Variants in RORA observed in about 807,000 individuals in gnomAD.
RORA encodes nuclear receptor ROR-alpha.
Under a neutral mutation model 69.5 loss-of-function variants are expected in RORA, and 7 were observed. The ratio of observed to expected loss-of-function variants is 0.10; its 90% CI spans 0.06 to 0.19. The LOEUF is 0.19. Among genes scored for constraint, RORA ranks in the 10% least tolerant of loss-of-function variants. RORA has a pLI of 1.00. For synonymous variants in RORA, 261 were observed against 240.8 expected, an observed-to-expected ratio of 1.08 and a Z score of -0.78; for missense variants, 457 against 663.0, an observed-to-expected ratio of 0.69 and a Z score of 3.41.
chr15:60,802,251 G>C (rs953874525), intron 1 of RORA, among the ~76,000 whole-genome samples: 1 of 152,192 alleles, frequency 6.6e-6, no homozygotes, highest in African/African-American at 2.4e-5. Context: ...TTCCTCATCT[G>C]CGTATGTGAA....
intron 2 of RORA, among the ~76,000 whole-genome samples, chr15:60,561,275 G>A (rs1395741618): frequency 6.6e-6 from 1 of 151,568 alleles, no homozygotes; most frequent in Admixed American, 6.6e-5. Context: ...TAGAGACGGG[G>A]TTTCACCGTG....
chr15:60,546,955 T>C (rs1186943312), intron 2 of RORA, among the ~76,000 whole-genome samples: 2 of 152,150 alleles, frequency 1.3e-5, no homozygotes, highest in African/African-American at 4.8e-5. Context: ...ACTGCTTGCG[T>C]AGCATTTTGT....
At chr15:60,608,362 T>G (rs1203633310) in intron 2 of RORA, among the ~76,000 whole-genome samples, 1 of 152,214 alleles carries the variant, frequency 6.6e-6, no homozygotes, top group Non-Finnish European at 1.5e-5. Context: ...TTAATGAGAA[T>G]GCAGCTGAAA....
chr15:60,755,753 G>A (rs994972606), intron 1 of RORA, among the ~76,000 whole-genome samples: 4 of 152,138 alleles, frequency 2.6e-5, no homozygotes, highest in Non-Finnish European at 2.9e-5. Context: ...TCATGGAAAC[G>A]ATCTGCCTTT....
Position 61,059,951 on chromosome 15 carries a change from A to AGG in RORA, c.166+169101_166+169102insCC, listed in dbSNP as rs1254788493. 4.3e-4 allele frequency among the ~76,000 whole-genome samples: 59 copies of AGG among 138,546 alleles called. 1 individual carries two copies. Among genetic ancestry groups the AGG allele is most frequent in the East Asian group, 1.5e-3 (7 of 4,792 alleles). 90.9% of individuals were successfully genotyped at this position (138,546 alleles called of 152,430 possible). ...GAAGAAGAACAAGAAGAAGAAGAAG[A>AGG]AGAAGAAGAAGAGGAAGAGGAAGAG... On this transcript the variant is annotated intron_variant, in intron 1 of 10. Transcript: ENST00000335670.
Position 61,119,084 on chromosome 15 carries a change from G to GC in RORA, c.166+109968_166+109969insG, listed in dbSNP as rs796892364. Among the ~76,000 whole-genome samples, 9 of 147,630 alleles carry GC rather than the reference G, an allele frequency of 6.1e-5. 1 individual carries two copies. The East Asian group carries it at 7.3e-4, about 12-fold the overall frequency. The stretch of plus-strand genomic sequence containing the variant: ...TCGGGAAGATGCAGTTAACAGAAGG[G>GC]GGGGGGGGGCGCCATGGAGCAGTCG... On this transcript the variant is annotated intron_variant, in intron 1 of 10. Coordinates refer to ENST00000335670, the MANE Select transcript of RORA (RefSeq NM_134261.3).
At chr15:60,560,912 T>C (rs2067519586) in intron 2 of RORA, among the ~76,000 whole-genome samples, 1 of 152,120 alleles carries the variant, frequency 6.6e-6, no homozygotes, top group Non-Finnish European at 1.5e-5. Context: ...AAATAAAACA[T>C]ATTGTCTTCA....
intron 2 of RORA, among the ~76,000 whole-genome samples, chr15:60,577,536 C>T (rs2068060870): frequency 6.6e-6 from 1 of 150,760 alleles, no homozygotes; most frequent in Admixed American, 6.7e-5. Flanking sequence ...GTCAGCTACT[C>T]GGGAGGCTGA....
rs181550240 is a variant in RORA, at chr15:61,058,373, G to A, written c.166+170680C>T. Among the ~76,000 whole-genome samples the A allele has an allele frequency of 2.3e-4, 35 of 152,282 alleles. 1 individual carries two copies. The East Asian group carries it at 6.8e-3, about 29-fold the overall frequency. ...TGTGCAGGCGGTGCCAGTTCAGGAGGAAGAAGGAAATGTTTTAGGGAACAT... is the reference window on the plus strand; with the variant it reads ...TGTGCAGGCGGTGCCAGTTCAGGAGAAAGAAGGAAATGTTTTAGGGAACAT... On this transcript the variant is annotated intron_variant, in intron 1 of 10. Coordinates refer to ENST00000335670, the MANE Select transcript of RORA (RefSeq NM_134261.3).
chr15:60,865,489 T>C (rs1291166697), intron 1 of RORA, among the ~76,000 whole-genome samples: 4 of 152,234 alleles, frequency 2.6e-5, no homozygotes, highest in Non-Finnish European at 5.9e-5. Flanking sequence ...CTTTAAGCAT[T>C]GGTAATGGGA....
At chr15:61,030,398 G>A (rs1250183315) in intron 1 of RORA, among the ~76,000 whole-genome samples, 2 of 152,272 alleles carry the variant, frequency 1.3e-5, no homozygotes, top group South Asian at 2.1e-4. Context: ...GGGGCATGAG[G>A]TTGGCAACTT....
chr15:61,125,448 A>G (rs933364277), intron 1 of RORA, among the ~76,000 whole-genome samples: 7 of 152,240 alleles, frequency 4.6e-5, no homozygotes, highest in South Asian at 2.1e-4. Context: ...AAAAGAGCAC[A>G]GTGGTGTGAA....
intron 1 of RORA, among the ~76,000 whole-genome samples, chr15:60,854,451 G>T (rs2073359625): frequency 6.6e-6 from 1 of 152,092 alleles, no homozygotes; most frequent in Non-Finnish European, 1.5e-5. Context: ...GCCATCCAGG[G>T]AGAAAAATTT....
chr15:60,678,818 A>G, intron 1 of RORA, 132 bp from the exon 2 acceptor site: 2 of 731,156 alleles, frequency 2.7e-6, no homozygotes, highest in Non-Finnish European at 2.4e-6. Context: ...CAGTTTTAAC[A>G]TTGCACAGGA....
chr15:60,928,825 C>G (rs1892290113), intron 1 of RORA, among the ~76,000 whole-genome samples: 1 of 152,222 alleles, frequency 6.6e-6, no homozygotes, highest in Admixed American at 6.5e-5. Context: ...GCACAGAGCT[C>G]TAGGCACAGG....
intron 1 of RORA, among the ~76,000 whole-genome samples, chr15:61,150,828 T>C (rs930421290): frequency 6.6e-5 from 10 of 152,318 alleles, no homozygotes; most frequent in South Asian, 2.1e-4. Context: ...GGGAGGAAAA[T>C]TGCCATTTCT....
intron 2 of RORA, among the ~76,000 whole-genome samples, chr15:60,542,721 GGCACACAGGCACACC>G (rs1289100010): frequency 4.2e-5 from 6 of 143,752 alleles, no homozygotes; most frequent in African/African-American, 1.6e-4. Flanking sequence ...TCCCACACAC[GGCACACAGGCACACC>G]TCAAACGACA....
intron 2 of RORA, among the ~76,000 whole-genome samples, chr15:60,607,039 C>T (rs969769650): frequency 1.1e-4 from 17 of 151,980 alleles, no homozygotes; most frequent in African/African-American, 4.1e-4. Flanking sequence ...TCCAGTATAC[C>T]GGAGATATTT....
chr15:61,132,260 G>A (rs2079196408), intron 1 of RORA, among the ~76,000 whole-genome samples: 1 of 151,884 alleles, frequency 6.6e-6, no homozygotes, highest in African/African-American at 2.4e-5. Context: ...ATATATACAT[G>A]TCAACAGGAA....
Sources: gnomAD v4.1 joint callset for allele counts (sites outside exome capture counted in the v4.1 genomes callset) on GRCh38, gnomAD v4.1.1 for gene constraint, MANE v1.5 for transcripts, NCBI Gene and HGNC (gene_info 2026-07-23, HGNC 2026-07-21) for gene names.